Variants in MS4A6E observed in about 807,000 individuals in gnomAD.
The protein encoded by MS4A6E is membrane-spanning 4-domains subfamily A member 6E.
A neutral mutation model predicts 13.2 loss-of-function variants in MS4A6E; 8 were observed. The ratio of observed to expected loss-of-function variants is 0.60; its 90% confidence interval spans 0.35 to 1.09. MS4A6E has a LOEUF of 1.09. Ranked by LOEUF, MS4A6E falls within the 50% of genes least tolerant of loss-of-function variation. The pLI is 0.02. For synonymous variants in MS4A6E, 72 were observed against 67.6 expected, an observed-to-expected ratio of 1.06 and a Z score of -0.32; for missense variants, 177 against 171.1, an observed-to-expected ratio of 1.03 and a Z score of -0.19.
intron 3 of MS4A6E, among the ~76,000 whole-genome samples, chr11:60,339,426 G>C (rs2085209462): frequency 6.6e-6 from 1 of 152,200 alleles, no homozygotes; most frequent in African/African-American, 2.4e-5. Flanking sequence ...ATGTTAGTAT[G>C]CATGTTTGAT....
downstream of MS4A6E, among the ~76,000 whole-genome samples, chr11:60,342,360 G>C (rs888869364): frequency 1.3e-5 from 2 of 152,232 alleles, no homozygotes; most frequent in African/African-American, 4.8e-5. Flanking sequence ...CTCATGCCAA[G>C]AAAATTGAAG....
intron 2 of MS4A6E, among the ~76,000 whole-genome samples, 199 bp from the exon 3 acceptor site, chr11:60,337,542 T>C (rs2085195064): frequency 1.3e-5 from 2 of 152,170 alleles, no homozygotes; most frequent in South Asian, 4.1e-4. Flanking sequence ...AGTTCATATG[T>C]TCATTCATTC....
chr11:60,344,424 A>T (rs905563492), downstream of MS4A6E, among the ~76,000 whole-genome samples: 2 of 152,186 alleles, frequency 1.3e-5, no homozygotes, highest in African/African-American at 4.8e-5. Flanking sequence ...TGTTCAGGGG[A>T]TTATTTTTAA....
At chr11:60,342,285 T>A (rs2085232863), downstream of MS4A6E, among the ~76,000 whole-genome samples, 1 of 151,750 alleles carries the variant, frequency 6.6e-6, no homozygotes, top group Non-Finnish European at 1.5e-5. Flanking sequence ...GGTGCCACCT[T>A]CCGCCACAGG....
At chr11:60,344,022 T>C (rs1394084141), downstream of MS4A6E, among the ~76,000 whole-genome samples, 1 of 152,066 alleles carries the variant, frequency 6.6e-6, no homozygotes, top group Non-Finnish European at 1.5e-5. Flanking sequence ...TTTCTTGGAG[T>C]TGGGCTTTTG....
chr11:60,328,234 A>G lies in MS4A6E; in HGVS notation c.-15+826A>G, dbSNP rs1316872901. 3.9e-5 allele frequency among the ~76,000 whole-genome samples: 6 copies of G among 152,170 alleles called. No individual in the cohort carries two copies. In the East Asian group the frequency reaches 1.2e-3, roughly 29 times the overall value. Reference sequence around the variant, plus strand: ...TATAATAAAATACGGGAAGAGAGAAATGAATTAAAAGATAAAATGTATAAT... The same window carrying G: ...TATAATAAAATACGGGAAGAGAGAAGTGAATTAAAAGATAAAATGTATAAT... On this transcript the variant is annotated intron_variant, in intron 1 of 4. Transcript: ENST00000684409.
chr11:60,346,924 T>C (rs1412899165), intron 4 of MS4A6E, among the ~76,000 whole-genome samples: 1 of 152,204 alleles, frequency 6.6e-6, no homozygotes, highest in Non-Finnish European at 1.5e-5. Context: ...GTCAAACACC[T>C]GAGTTAAAGT....
downstream of MS4A6E, among the ~76,000 whole-genome samples, chr11:60,345,434 GA>G (rs1210797195): frequency 1.3e-5 from 2 of 152,204 alleles, no homozygotes; most frequent in Non-Finnish European, 2.9e-5. Flanking sequence ...GACACACTTT[GA>G]AAGACGTCAT....
In MS4A6E at chr11:60,337,878, ACTT is replaced by A. The variant is rs774416460; in HGVS notation, c.292_294del (p.Leu98del). ...TGGACGAAAAGGATATACCAACCAG[ACTT>A]CTTCTTTCTTATGATTATCATTCAC... On this transcript the variant is annotated inframe_deletion, in exon 3 of 5. Transcript: ENST00000684409. 22 of 1,614,162 alleles carry A rather than the reference ACTT, an allele frequency of 1.4e-5. No homozygotes were observed. The highest frequency in any genetic ancestry group is 5.3e-5 in the African/African-American group (4 of 75,036).
chr11:60,339,451 G>A (rs1232995938), intron 3 of MS4A6E, among the ~76,000 whole-genome samples: 1 of 152,166 alleles, frequency 6.6e-6, no homozygotes, highest in Non-Finnish European at 1.5e-5. Context: ...GAGGAAACAG[G>A]AGCTAGAGAA....
Position 60,339,880 on chromosome 11 carries a change from G to T in MS4A6E, c.369G>T (p.Leu123=), listed in dbSNP as rs1054600382. The T allele has an allele frequency of 1.2e-6, 2 of 1,613,638 alleles. No homozygotes were observed. Among genetic ancestry groups the T allele is most frequent in the African/African-American group, 2.7e-5 (2 of 74,934 alleles). Residue 123 remains leucine, a synonymous_variant, in exon 4 of 5, where the codon CTG becomes CTT. Coordinates refer to ENST00000684409, the MANE Select transcript of MS4A6E (RefSeq NM_139249.4). ...TTGACTTTCAGGGAACTCTGTCTCT[G>T]ATGCTGGTTTCTACTGTGTTGGAGT... ...AKASLAGTLS[L]MLVSTVLEFC...
chr11:60,334,954 A>G lies in MS4A6E; in HGVS notation c.59A>G (p.Asn20Ser), dbSNP rs371238053. 115 of 1,614,032 alleles carry G rather than the reference A, an allele frequency of 7.1e-5. No homozygotes were observed. The highest frequency in any genetic ancestry group is 1.6e-4 in the Middle Eastern group (1 of 6,084). The change falls in exon 2 of 5, where the codon AAC becomes AGC. Residue 20 changes from asparagine (N) to serine (S), a missense_variant. Asn to Ser is a conservative substitution (Grantham distance 46). Transcript: ENST00000684409. ...TIIMLPSNVI[N>S]FSQAEKPEPT... is the part of the protein sequence containing the mutation. ...ATAATGCTCCCATCAAATGTCATCA[A>G]CTTCTCCCAAGCAGAGAAACCCGAA...
downstream of MS4A6E, among the ~76,000 whole-genome samples, chr11:60,345,793 A>C (rs920988543): frequency 5.3e-5 from 8 of 152,210 alleles, no homozygotes; most frequent in African/African-American, 1.9e-4. Context: ...GGCTTCTGGG[A>C]CCAGTAGGGC....
chr11:60,327,621 G>T (rs1376722373), intron 1 of MS4A6E, among the ~76,000 whole-genome samples: 2 of 152,146 alleles, frequency 1.3e-5, no homozygotes, highest in African/African-American at 4.8e-5. Context: ...GAGAGCTGTA[G>T]ACAGAACCTC....
intron 1 of MS4A6E, 102 bp from the exon 2 acceptor site, chr11:60,334,780 G>A (rs2085177622): frequency 3.9e-6 from 5 of 1,274,368 alleles, no homozygotes; most frequent in Non-Finnish European, 5.5e-6. Flanking sequence ...CTAACACACA[G>A]GCCAAGTCTG....
intron 4 of MS4A6E, among the ~76,000 whole-genome samples, chr11:60,347,432 T>TC (rs932768481): frequency 6.6e-6 from 1 of 152,056 alleles, no homozygotes; most frequent in Non-Finnish European, 1.5e-5. Flanking sequence ...AGTCTGTTCA[T>TC]CCCCAAGATG....
chr11:60,345,722 A>G (rs949748145), downstream of MS4A6E, among the ~76,000 whole-genome samples: 1 of 152,214 alleles, frequency 6.6e-6, no homozygotes, highest in South Asian at 2.1e-4. Context: ...GGCTCCCCCT[A>G]GAGGACAGCA....
chr11:60,332,622 A>C (rs2085164021), intron 1 of MS4A6E, among the ~76,000 whole-genome samples: 1 of 152,212 alleles, frequency 6.6e-6, no homozygotes, highest in Admixed American at 6.5e-5. Flanking sequence ...GGTTTAAGTC[A>C]ATGTTTCCCC....
chr11:60,331,302 A>C (rs553871371), intron 1 of MS4A6E, among the ~76,000 whole-genome samples: 5 of 152,110 alleles, frequency 3.3e-5, no homozygotes, highest in Non-Finnish European at 7.4e-5. Context: ...CTAATTATAA[A>C]AATATGAGGA....
Sources: gnomAD v4.1 joint callset for allele counts (sites outside exome capture counted in the v4.1 genomes callset) on GRCh38, gnomAD v4.1.1 for gene constraint, MANE v1.5 for transcripts, NCBI Gene and HGNC (gene_info 2026-07-23, HGNC 2026-07-21) for gene names.